HIVEP2: variants seen among roughly 807,000 people sequenced by gnomAD.
The protein encoded by HIVEP2 is HIVEP zinc finger 2, also known as transcription factor HIVEP2.
A neutral mutation model predicts 180.7 loss-of-function variants in HIVEP2; 14 were observed. The observed-to-expected ratio is 0.08, with a 90% CI of 0.05 to 0.12. The LOEUF is 0.12. Ranked by LOEUF, HIVEP2 falls within the 10% of genes least tolerant of loss-of-function variation. HIVEP2 has a pLI of 1.00. For missense variants in HIVEP2, 2,579 were observed against 3,008.5 expected, an observed-to-expected ratio of 0.86 and a Z score of 3.34; for synonymous variants, 1,184 against 1,136.4, an observed-to-expected ratio of 1.04 and a Z score of -0.84.
At chr6:142,794,876 T>C (rs1034511106) in intron 2 of HIVEP2, among the ~76,000 whole-genome samples, 2 of 152,230 alleles carry the variant, frequency 1.3e-5, no homozygotes, top group African/African-American at 4.8e-5. Context: ...AATTGACCTC[T>C]ACTTTTAAGG....
intron 1 of HIVEP2, among the ~76,000 whole-genome samples, chr6:142,890,668 A>G (rs1776834503): frequency 6.6e-6 from 1 of 152,200 alleles, no homozygotes; most frequent in South Asian, 2.1e-4. Flanking sequence ...GATAATACTA[A>G]CTGCAACTCC....
chr6:142,765,397 T>C (rs778132363), intron 6 of HIVEP2, among the ~76,000 whole-genome samples: 8 of 152,250 alleles, frequency 5.3e-5, no homozygotes, highest in Non-Finnish European at 1.0e-4. Context: ...AAGATGTACA[T>C]GTACAAACAT....
At chr6:142,829,659 A>G (rs1357743893) in intron 2 of HIVEP2, among the ~76,000 whole-genome samples, 1 of 152,260 alleles carries the variant, frequency 6.6e-6, no homozygotes, top group Admixed American at 6.5e-5. Flanking sequence ...TACATTGCAT[A>G]TGGCAGAAAT....
intron 1 of HIVEP2, among the ~76,000 whole-genome samples, chr6:142,866,913 T>C (rs997533854): frequency 4.6e-5 from 7 of 152,166 alleles, no homozygotes; most frequent in African/African-American, 1.7e-4. Flanking sequence ...AAAATAAAAA[T>C]TAAGCTATAA....
chr6:142,917,414 T>C (rs1777582118), intron 1 of HIVEP2, among the ~76,000 whole-genome samples: 1 of 152,202 alleles, frequency 6.6e-6, no homozygotes, highest in Non-Finnish European at 1.5e-5. Flanking sequence ...GCAACAGGTA[T>C]GAATGACATC....
At chr6:142,817,581 C>CA (rs1776876646) in intron 2 of HIVEP2, among the ~76,000 whole-genome samples, 1 of 152,184 alleles carries the variant, frequency 6.6e-6, no homozygotes, top group African/African-American at 2.4e-5. Flanking sequence ...TCAAAGTTCA[C>CA]ACTCTGAGAT....
intron 2 of HIVEP2, among the ~76,000 whole-genome samples, chr6:142,820,055 T>C (rs530009499): frequency 2.6e-5 from 4 of 152,338 alleles, no homozygotes; most frequent in African/African-American, 9.6e-5. Flanking sequence ...ACAGTTCAGC[T>C]GCCGTTTTCC....
intron 1 of HIVEP2, among the ~76,000 whole-genome samples, chr6:142,888,578 C>T (rs1273936139): frequency 2.6e-5 from 4 of 152,100 alleles, no homozygotes; most frequent in African/African-American, 9.7e-5. Context: ...ATTGTTTTCC[C>T]ACCCTGCAAT....
chr6:142,787,617 T>A (rs370722022), intron 2 of HIVEP2, among the ~76,000 whole-genome samples: 1 of 145,202 alleles, frequency 6.9e-6, no homozygotes, highest in African/African-American at 2.6e-5. Context: ...CACTCTGGAG[T>A]GCGTAAAGTG....
chr6:142,885,207 G>C (rs370050359), intron 1 of HIVEP2, among the ~76,000 whole-genome samples: 22 of 152,188 alleles, frequency 1.4e-4, no homozygotes, highest in African/African-American at 5.3e-4. Context: ...CTGACTGCCA[G>C]CTTCTTTAGG....
chr6:142,893,707 T>G (rs1776915253), intron 1 of HIVEP2, among the ~76,000 whole-genome samples: 1 of 152,234 alleles, frequency 6.6e-6, no homozygotes, highest in South Asian at 2.1e-4. Context: ...TCCAGTTCTA[T>G]TCTACAACTT....
intron 1 of HIVEP2, among the ~76,000 whole-genome samples, chr6:142,925,673 T>C (rs1777789302): frequency 6.6e-6 from 1 of 152,206 alleles, no homozygotes; most frequent in African/African-American, 2.4e-5. Context: ...CATAATCCTA[T>C]GGGGACTTCT....
intron 1 of HIVEP2, among the ~76,000 whole-genome samples, chr6:142,924,019 C>CT (rs1006503423): frequency 2.0e-5 from 3 of 152,154 alleles, no homozygotes; most frequent in Admixed American, 1.3e-4. Flanking sequence ...TAAATGTCTT[C>CT]TTTTATAAAT....
intron 1 of HIVEP2, among the ~76,000 whole-genome samples, chr6:142,872,207 T>C (rs9390025): frequency 0.25 from 37,672 of 152,154 alleles, 5,209 homozygotes; most frequent in East Asian, 0.35. Flanking sequence ...TCAGTGAGTA[T>C]ATAACTTGGG....
intron 2 of HIVEP2, among the ~76,000 whole-genome samples, chr6:142,833,535 A>G (rs74831012): frequency 0.019 from 2,832 of 152,328 alleles, 99 homozygotes; most frequent in African/African-American, 0.064. Flanking sequence ...CTTGTGGAAC[A>G]AAATGGGATT....
At chr6:142,939,045 G>A (rs1337464563) in intron 1 of HIVEP2, among the ~76,000 whole-genome samples, 2 of 151,570 alleles carry the variant, frequency 1.3e-5, no homozygotes, top group Non-Finnish European at 2.9e-5. Flanking sequence ...GGTGTTTGAT[G>A]GTCAACTTTC....
At chr6:142,757,552 G>C (rs1002100156) in intron 9 of HIVEP2, among the ~76,000 whole-genome samples, 3 of 152,150 alleles carry the variant, frequency 2.0e-5, no homozygotes, top group Non-Finnish European at 2.9e-5. Flanking sequence ...CCAGCTGCTT[G>C]GGAGGCTGAA....
At chr6:142,813,903 T>C (rs1776765438) in intron 2 of HIVEP2, among the ~76,000 whole-genome samples, 1 of 152,020 alleles carries the variant, frequency 6.6e-6, no homozygotes, top group African/African-American at 2.4e-5. Context: ...CTCTTTACAA[T>C]CTTTCCTCTA....
At chr6:142,906,114 A>G (rs1305988773) in intron 1 of HIVEP2, among the ~76,000 whole-genome samples, 1 of 152,214 alleles carries the variant, frequency 6.6e-6, no homozygotes, top group African/African-American at 2.4e-5. Context: ...AGCCTAGTTG[A>G]CAGAGTGAGA....
Sources: allele counts gnomAD v4.1 joint callset (sites outside exome capture counted in the v4.1 genomes callset), GRCh38; gene constraint gnomAD v4.1.1; transcripts MANE v1.5; gene names NCBI Gene and HGNC (gene_info 2026-07-23, HGNC 2026-07-21).